RNF213: variants seen among roughly 807,000 people sequenced by gnomAD.
RNF213 encodes ring finger protein 213.
In RNF213, 341 loss-of-function variants were observed where a neutral mutation model predicts 514.4. The observed-to-expected ratio is 0.66, with a 90% confidence interval of 0.61 to 0.73. The LOEUF (loss-of-function observed/expected upper bound fraction) is 0.73, where lower values mean the gene tolerates loss of function less well. Ranked by LOEUF, RNF213 falls within the 30% of genes least tolerant of loss-of-function variation. The pLI is 0.00. For missense variants in RNF213, 5,767 were observed against 6,615.6 expected (o/e 0.87, Z 4.45); for synonymous variants, 2,655 against 2,658.2 (o/e 1.00, Z 0.04).
chr17:80,344,583 G>A (rs1365114679), intron 28 of RNF213, 95 bp from the exon 29 acceptor site: 3 of 1,346,804 alleles, frequency 2.2e-6, no homozygotes, highest in African/African-American at 2.9e-5. Context: ...TTTCATAAAG[G>A]TCCATCCAAT....
rs1370234040 is a variant in RNF213 at position 80,315,312 on chromosome 17, A to G, written c.2812-1876A>G. Reference sequence around the variant, plus strand: ...GGTGGTGGTGGAGGTAATGGAGGTGATGGTGGTGGTGGTGATGGTGGAGGT... The same window carrying G: ...GGTGGTGGTGGAGGTAATGGAGGTGGTGGTGGTGGTGGTGATGGTGGAGGT... On this transcript the variant is annotated intron_variant, in intron 15 of 67. Coordinates refer to ENST00000582970, the MANE Select transcript of RNF213 (RefSeq NM_001256071.3). Among the ~76,000 whole-genome samples the G allele has an allele frequency of 2.1e-4, 4 of 19,142 alleles. 1 individual carries two copies. Among genetic ancestry groups the G allele is most frequent in the African/African-American group, 8.2e-4 (3 of 3,640 alleles). 12.6% of individuals were successfully genotyped at this position (19,142 alleles called of 152,430 possible).
intron 11 of RNF213, among the ~76,000 whole-genome samples, chr17:80,300,117 T>A (rs1286289949): frequency 2.6e-5 from 4 of 152,200 alleles, no homozygotes; most frequent in Non-Finnish European, 5.9e-5. Context: ...TTTGTGGAAT[T>A]GCCACACTGT....
intron 3 of RNF213, among the ~76,000 whole-genome samples, chr17:80,286,022 G>T (rs1350876954): frequency 6.6e-6 from 1 of 152,224 alleles, no homozygotes; most frequent in African/African-American, 2.4e-5. Flanking sequence ...GCCCAGGCTG[G>T]AGTGCAGTGG....
At position 80,317,096 on chromosome 17, in the gene RNF213, A is replaced by G. The variant is rs540240921; in HGVS notation, c.2812-92A>G. On this transcript the variant is annotated intron_variant, in intron 15 of 67. Coordinates refer to ENST00000582970, the MANE Select transcript of RNF213 (RefSeq NM_001256071.3). This position sits in a 1 kb window ranked among gnomAD's most constrained non-coding sequence, Gnocchi z 4.1. ...GTTCGCGGAGTCCCGCGCTCTCTGT[A>G]TTGCCGTAATGCTCTGTCTTTCTCC... 2.2e-6 allele frequency: 3 copies of G among 1,375,412 alleles called. No homozygotes were observed. The highest frequency in any genetic ancestry group is 4.7e-5 in the East Asian group (2 of 42,814). The allele number at this position is 1,375,412 out of a possible 1,614,324, so 85.2% of individuals were successfully genotyped here. A position where few individuals can be genotyped will look rare whatever the true frequency, so the allele number is the denominator to read the frequency against.
Position 80,363,617 on chromosome 17 carries a change from C to G in RNF213, c.11577C>G (p.Asp3859Glu), listed in dbSNP as rs765813521. The G allele has an allele frequency of 6.2e-6, 10 of 1,613,778 alleles. No homozygotes were observed. The highest frequency in any genetic ancestry group is 8.5e-6 in the Non-Finnish European group (10 of 1,180,038). Reference sequence around the variant, plus strand: ...GCTGTCCGTCTCCCCAGACCCTGGACGCATTTGCCGCAATGGCCTGCACGG... The same window carrying G: ...GCTGTCCGTCTCCCCAGACCCTGGAGGCATTTGCCGCAATGGCCTGCACGG... ...HELAGCEMTL[D>E]AFAAMACTEM... The change falls in exon 41 of 68, where the codon GAC becomes GAG. Residue 3859 changes from aspartate to glutamate, a missense_variant. This residue lies in a region of RNF213 where 355 missense variants were observed against 358.0 expected (regional missense o/e 0.99). Coordinates refer to ENST00000582970, the MANE Select transcript of RNF213 (RefSeq NM_001256071.3).
intron 3 of RNF213, among the ~76,000 whole-genome samples, chr17:80,280,751 G>C (rs1447375794): frequency 6.6e-6 from 1 of 152,096 alleles, no homozygotes; most frequent in Non-Finnish European, 1.5e-5. Context: ...CACCACCCTA[G>C]CCTCGTTTTG....
intron 55 of RNF213, among the ~76,000 whole-genome samples, chr17:80,380,608 C>T (rs571494612): frequency 6.1e-4 from 93 of 152,322 alleles, no homozygotes; most frequent in African/African-American, 2.1e-3. Context: ...TACCACACAG[C>T]GCAGCCACCT....
Position 80,396,707 on chromosome 17 carries a change from A to G in RNF213, c.*3209A>G, listed in dbSNP as rs2080667773. The G allele has an allele frequency of 6.6e-6, 1 of 150,688 alleles. No homozygotes were observed. The highest frequency in any genetic ancestry group is 6.6e-5 in the Admixed American group (1 of 15,108). 9.3% of individuals were successfully genotyped at this position (150,688 alleles called of 1,614,324 possible). On this transcript the variant is annotated 3_prime_UTR_variant, in exon 68 of 68. Transcript: ENST00000582970. ...AATCCCGTTTCCAGCTGGAAAAACA[A>G]GCGCCAGGAAAGTGCATTTCCCCCC...
chr17:80,345,826 T>C lies in RNF213; in HGVS notation c.7491T>C (p.Cys2497=). Residue 2497 remains cysteine, a synonymous_variant, in exon 29 of 68, where the codon TGT becomes TGC. Transcript: ENST00000582970. This position sits in a 1 kb window ranked among gnomAD's most constrained non-coding sequence, Gnocchi z 6.0. The part of the protein sequence containing the change: ...DEANTTEAIS[C]IKEVLCDHMV... Reference sequence around the variant, plus strand: ...CCAACACAACGGAAGCTATAAGCTGTATCAAAGAAGTCCTGTGTGATCATA... The same window carrying C: ...CCAACACAACGGAAGCTATAAGCTGCATCAAAGAAGTCCTGTGTGATCATA... 6.2e-7 allele frequency: 1 copy of C among 1,614,120 alleles called. No homozygotes were observed. Among genetic ancestry groups the C allele is most frequent in the East Asian group, 2.2e-5 (1 of 44,880 alleles).
chr17:80,359,571 G>A (rs1205447609), intron 37 of RNF213, among the ~76,000 whole-genome samples: 1 of 140,866 alleles, frequency 7.1e-6, no homozygotes, highest in Admixed American at 7.1e-5. Flanking sequence ...GAGGGAGGGA[G>A]ACAGAAGGAA....
chr17:80,299,766 C>T (rs981960950), intron 11 of RNF213, among the ~76,000 whole-genome samples: 2 of 152,036 alleles, frequency 1.3e-5, no homozygotes, highest in Non-Finnish European at 2.9e-5. Flanking sequence ...TCTATGTGTC[C>T]CTGTGTTCTC....
chr17:80,315,740 TGG>T (rs2045901043), intron 15 of RNF213: 1 of 43,996 alleles, frequency 2.3e-5, no homozygotes, highest in Non-Finnish European at 4.6e-5. Context: ...GAGGTGATGG[TGG>T]TGGTGGTGGA....
In RNF213 at chr17:80,386,728, T is replaced by G. The variant is rs1235816460; in HGVS notation, c.14759T>G (p.Val4920Gly). 6.2e-7 allele frequency: 1 copy of G among 1,614,060 alleles called. No homozygotes were observed. The highest frequency in any genetic ancestry group is 8.5e-7 in the Non-Finnish European group (1 of 1,180,026). Residue 4920 changes from valine to glycine, a missense_variant, in exon 63 of 68, where the codon GTC (valine) becomes GGC (glycine). Physicochemically the swap from Val to Gly is moderately radical, Grantham distance 109 (BLOSUM62 -3). Coordinates refer to ENST00000582970, the MANE Select transcript of RNF213 (RefSeq NM_001256071.3). ...VDAAEVTELH[V>G]ISYEVERDLT... ...GCCGCCGAGGTCACTGAACTGCATG[T>G]CATCAGTTATGAAGTGGAGCGGGAC...
chr17:80,372,555 G>A lies in RNF213; in HGVS notation c.12572G>A (p.Arg4191Lys). ...CTTGAGAAGACCAGTGCTTACTCCAGAAATGATGAACTGAACCACCTAGAA... is the reference window on the plus strand; with the variant it reads ...CTTGAGAAGACCAGTGCTTACTCCAAAAATGATGAACTGAACCACCTAGAA... ...SILEKTSAYS[R>K]NDELNHLEEE... Residue 4191 changes from arginine to lysine, a missense_variant, in exon 48 of 68, where the codon AGA becomes AAA. Physicochemically the swap from Arg to Lys is conservative, Grantham distance 26 (BLOSUM62 2). Around this residue, in one of 13 missense-constraint regions of RNF213, gnomAD observed 1,245 missense variants for 1,339.0 expected, o/e 0.93. Coordinates refer to ENST00000582970, the MANE Select transcript of RNF213 (RefSeq NM_001256071.3). The A allele has an allele frequency of 1.9e-6, 3 of 1,613,954 alleles. No individual in the cohort carries two copies. Among genetic ancestry groups the A allele is most frequent in the Non-Finnish European group, 2.5e-6 (3 of 1,179,958 alleles).
chr17:80,387,385 C>T (rs1211948067), intron 63 of RNF213, among the ~76,000 whole-genome samples: 4 of 152,192 alleles, frequency 2.6e-5, no homozygotes, highest in Non-Finnish European at 5.9e-5. Context: ...GGATTATAGG[C>T]GTGAGCCACT....
At position 80,344,910 on chromosome 17, in the gene RNF213, G is replaced by A. The variant is rs755712045; in HGVS notation, c.6575G>A (p.Gly2192Asp). 9.3e-6 allele frequency: 15 copies of A among 1,614,146 alleles called. No homozygotes were observed. In the East Asian group the frequency reaches 3.3e-4, roughly 36 times the overall value. ...CAGTATCAAGAAGGCTCTGTCGAAG[G>A]CACCCCGGAGGAATGCCTCCAGCAT... ...TFQYQEGSVE[G>D]TPEECLQHFL... Residue 2192 changes from glycine to aspartate, a missense_variant, in exon 29 of 68, where the codon GGC (glycine) becomes GAC (aspartate). Physicochemically the swap from Gly to Asp is moderately conservative, Grantham distance 94. This residue lies in a region of RNF213 where 1,377 missense variants were observed against 1,635.2 expected (regional missense o/e 0.84). Coordinates refer to ENST00000582970, the MANE Select transcript of RNF213 (RefSeq NM_001256071.3).
intron 37 of RNF213, among the ~76,000 whole-genome samples, chr17:80,359,785 A>C (rs1167305027): frequency 1.3e-5 from 2 of 152,196 alleles, no homozygotes; most frequent in African/African-American, 4.8e-5. Flanking sequence ...GAACCAGAAG[A>C]CTTGGTTCTG....
chr17:80,338,028 C>A (rs954523031), intron 25 of RNF213, 31 bp downstream of exon 25: 71 of 1,536,898 alleles, frequency 4.6e-5, no homozygotes, highest in Non-Finnish European at 6.2e-5. Context: ...TGGCGCTAAG[C>A]TGGTGGTGTC....
In RNF213 at chr17:80,351,661, ATTCT is replaced by A. The variant is rs750858343; in HGVS notation, c.10185-21_10185-18del. 2 of 1,216,438 alleles carry A rather than the reference ATTCT, an allele frequency of 1.6e-6. No homozygotes were observed. Among genetic ancestry groups the A allele is most frequent in the African/African-American group, 1.6e-5 (1 of 63,544 alleles). 75.4% of individuals were successfully genotyped at this position (1,216,438 alleles called of 1,614,324 possible). ...GTGTGTGTTTGTTTTTAAAATAGGT[ATTCT>A]TTTTTTTTTCTTTAAATAGGTATTC... is the stretch of plus-strand genomic sequence containing the variant. On this transcript the variant is annotated intron_variant, in intron 31 of 67. Transcript: ENST00000582970.
Sources: allele counts gnomAD v4.1 joint callset (sites outside exome capture counted in the v4.1 genomes callset), GRCh38; gene constraint gnomAD v4.1.1; regional missense constraint gnomAD v4.1.1; non-coding constraint Gnocchi (gnomAD v3.1); transcripts MANE v1.5; gene names NCBI Gene and HGNC (gene_info 2026-07-23, HGNC 2026-07-21).